Variants in UCK2 observed in about 807,000 individuals in gnomAD.
UCK2 encodes cytidine monophosphokinase 2.
Under a neutral mutation model 30.8 loss-of-function variants are expected in UCK2, and 6 were observed. The ratio of observed to expected loss-of-function variants is 0.19; its 90% confidence interval spans 0.11 to 0.38. The LOEUF (loss-of-function observed/expected upper bound fraction) is 0.38, where lower values mean the gene tolerates loss of function less well. UCK2 is among the 10% of genes least tolerant of loss of function. The pLI, the probability that UCK2 is intolerant of heterozygous loss-of-function variation, is 1.00. For synonymous variants in UCK2, 125 were observed against 133.6 expected (o/e 0.94, Z 0.45); for missense variants, 210 against 339.8 (o/e 0.62, Z 3.00).
intron 3 of UCK2, chr1:165,894,417 A>G (rs528834521): frequency 2.6e-5 from 4 of 152,266 alleles, no homozygotes; most frequent in East Asian, 1.9e-4. Flanking sequence ...CTTATGCACA[A>G]TGACAATGGG....
intron 1 of UCK2, among the ~76,000 whole-genome samples, chr1:165,849,405 G>A (rs904736476): frequency 6.6e-6 from 1 of 151,884 alleles, no homozygotes; most frequent in African/African-American, 2.4e-5. Context: ...GAGTGGACTC[G>A]GGACCACAGC....
chr1:165,846,581 G>A (rs1222554683), intron 1 of UCK2, among the ~76,000 whole-genome samples: 8 of 152,146 alleles, frequency 5.3e-5, no homozygotes, highest in African/African-American at 1.4e-4. Flanking sequence ...ATGGATAGGA[G>A]TCAGAAGGGC....
In UCK2 at chr1:165,827,619, C is replaced by G. The variant is rs1053917053; in HGVS notation, c.-215C>G. 8 of 377,508 alleles carry G rather than the reference C, an allele frequency of 2.1e-5. No individual in the cohort carries two copies. The highest frequency in any genetic ancestry group is 3.7e-5 in the Non-Finnish European group (8 of 214,276). 23.4% of individuals were successfully genotyped at this position (377,508 alleles called of 1,614,324 possible). A position where few individuals can be genotyped will look rare whatever the true frequency, so the allele number is the denominator to read the frequency against. On this transcript the variant is annotated 5_prime_UTR_variant, in exon 1 of 7. Coordinates refer to ENST00000367879, the MANE Select transcript of UCK2 (RefSeq NM_012474.5). ...CGCTGACCTCTGCCTGGGATGTAAA[C>G]CGGACCAGCCGCTGCGGGCAAAGGA...
intron 1 of UCK2, among the ~76,000 whole-genome samples, chr1:165,887,670 CG>C (rs1655651435): frequency 6.6e-6 from 1 of 151,990 alleles, no homozygotes; most frequent in African/African-American, 2.4e-5. Flanking sequence ...AACCTTAGGA[CG>C]TAAGAAACGT....
chr1:165,846,410 CTG>C (rs1654450405), intron 1 of UCK2, among the ~76,000 whole-genome samples: 1 of 152,170 alleles, frequency 6.6e-6, no homozygotes, highest in Non-Finnish European at 1.5e-5. Context: ...GTTTCTATAA[CTG>C]TGCTGATAAG....
intron 1 of UCK2, among the ~76,000 whole-genome samples, 192 bp downstream of exon 1, chr1:165,828,124 C>T (rs549290752): frequency 6.6e-6 from 1 of 151,584 alleles, no homozygotes; most frequent in South Asian, 2.1e-4. Context: ...GGCGAAGACT[C>T]GGGCCTTGGG....
chr1:165,852,542 G>A (rs887407855), intron 1 of UCK2, among the ~76,000 whole-genome samples: 4 of 152,314 alleles, frequency 2.6e-5, no homozygotes, highest in East Asian at 1.9e-4. Flanking sequence ...TCAGAATGGC[G>A]ATTATTAAAA....
At chr1:165,889,710 T>TGTTAAC (rs1369798215) in intron 1 of UCK2, among the ~76,000 whole-genome samples, 3 of 147,088 alleles carry the variant, frequency 2.0e-5, no homozygotes, top group Non-Finnish European at 3.0e-5. Flanking sequence ...TTTTTTTTAA[T>TGTTAAC]TTAACTTTTA....
At chr1:165,851,448 T>C in intron 1 of UCK2, among the ~76,000 whole-genome samples, 1 of 152,130 alleles carries the variant, frequency 6.6e-6, no homozygotes, top group Non-Finnish European at 1.5e-5. Context: ...CTTGTGTAGA[T>C]AGTCTGGCTA....
intron 1 of UCK2, among the ~76,000 whole-genome samples, chr1:165,829,017 G>A (rs1408893820): frequency 6.6e-6 from 1 of 152,062 alleles, no homozygotes; most frequent in African/African-American, 2.4e-5. Flanking sequence ...GCGCCATGAG[G>A]AAAGAGCCAC....
At chr1:165,863,270 G>A (rs954105432) in intron 1 of UCK2, among the ~76,000 whole-genome samples, 1 of 152,196 alleles carries the variant, frequency 6.6e-6, no homozygotes, top group African/African-American at 2.4e-5. Context: ...CAGCTTGTGT[G>A]TTGGAGAACA....
At position 165,827,867 on chromosome 1, in the gene UCK2, C is replaced by T; in HGVS notation, c.34C>T (p.His12Tyr). 7 of 1,481,164 alleles carry T rather than the reference C, an allele frequency of 4.7e-6. No individual in the cohort carries two copies. Among genetic ancestry groups the T allele is most frequent in the Middle Eastern group, 1.8e-4 (1 of 5,596 alleles). The allele number at this position is 1,481,164 out of a possible 1,614,324, so 91.8% of individuals were successfully genotyped here. ...GGACAGCGAGCAGACCCTGCAGAAC[C>T]ACCAGCAGCCCAACGGCGGCGAGCC... ...AGDSEQTLQN[H>Y]QQPNGGEPFL... Residue 12 changes from histidine (H) to tyrosine (Y), a missense_variant, in exon 1 of 7, where the codon CAC becomes TAC. Coordinates refer to ENST00000367879, the MANE Select transcript of UCK2 (RefSeq NM_012474.5).
chr1:165,834,693 T>A (rs887831546), intron 1 of UCK2, among the ~76,000 whole-genome samples: 1 of 152,216 alleles, frequency 6.6e-6, no homozygotes, highest in Non-Finnish European at 1.5e-5. Flanking sequence ...TTGGCAATAC[T>A]CTTTCCATAA....
chr1:165,836,993 C>G (rs895616198), intron 1 of UCK2, among the ~76,000 whole-genome samples: 1 of 152,074 alleles, frequency 6.6e-6, no homozygotes, highest in Non-Finnish European at 1.5e-5. Context: ...TGCCTGTCCT[C>G]GTGCACAAAA....
intron 1 of UCK2, chr1:165,885,176 ATGCCAAAGC>A (rs1655588602): frequency 2.6e-6 from 1 of 383,732 alleles, no homozygotes; most frequent in African/African-American, 2.1e-5. Flanking sequence ...ATCGGGGTGA[ATGCCAAAGC>A]GGCTTATGTT....
Position 165,873,590 on chromosome 1 carries a change from C to T in UCK2, c.100-16614C>T, listed in dbSNP as rs1005303853. The stretch of plus-strand genomic sequence containing the variant: ...TTTTCACTTCTTGCAGTGTGAAAAC[C>T]CTTTCTCCCGTTGGGCTGTCGTAGT... On this transcript the variant is annotated intron_variant, in intron 1 of 6. Transcript: ENST00000367879. Among the ~76,000 whole-genome samples, 3 of 152,056 alleles carry T rather than the reference C, an allele frequency of 2.0e-5. No individual in the cohort carries two copies. The East Asian group carries it at 5.8e-4, about 29-fold the overall frequency.
At chr1:165,836,583 T>C (rs1321438862) in intron 1 of UCK2, among the ~76,000 whole-genome samples, 1 of 152,216 alleles carries the variant, frequency 6.6e-6, no homozygotes, top group Admixed American at 6.5e-5. Flanking sequence ...ACCTCCAGAC[T>C]TGTAAAAGGA....
Position 165,907,855 on chromosome 1 carries a change from C to T in UCK2, c.*32C>T, listed in dbSNP as rs760266450. On this transcript the variant is annotated 3_prime_UTR_variant, in exon 7 of 7. Transcript: ENST00000367879. ...TCCATCGGACCCCAGCCCCTATCTC[C>T]AAGAGACAGAGGAGGGGTCAGGAGG... The T allele has an allele frequency of 1.2e-6, 2 of 1,610,836 alleles. No individual in the cohort carries two copies. Among genetic ancestry groups the T allele is most frequent in the South Asian group, 1.1e-5 (1 of 90,510 alleles).
intron 1 of UCK2, among the ~76,000 whole-genome samples, chr1:165,832,029 G>A (rs1471886520): frequency 1.3e-5 from 2 of 152,084 alleles, no homozygotes; most frequent in African/African-American, 4.8e-5. Context: ...TTGGCCTCCC[G>A]AAGCGTTGGG....
Sources: gnomAD v4.1 joint callset for allele counts (sites outside exome capture counted in the v4.1 genomes callset) on GRCh38, gnomAD v4.1.1 for gene constraint, MANE v1.5 for transcripts, NCBI Gene and HGNC (gene_info 2026-07-23, HGNC 2026-07-21) for gene names.